Variants in TNFSF4 observed in about 807,000 individuals in gnomAD.
The protein encoded by TNFSF4 is tumor necrosis factor ligand superfamily member 4.
TNFSF4 carries 4 observed loss-of-function variants against 7.3 expected under a neutral mutation model. The observed-to-expected ratio is 0.55, with a 90% CI of 0.27 to 1.25. TNFSF4 has a LOEUF of 1.25. Ranked by LOEUF, TNFSF4 falls within the 50% of genes most tolerant of loss-of-function variation. The pLI is 0.12. For missense variants in TNFSF4, 181 were observed against 208.8 expected (o/e 0.87, Z 0.82); for synonymous variants, 76 against 83.7 (o/e 0.91, Z 0.50).
chr1:173,239,828 C>T, the TNFSF4 span, among the ~76,000 whole-genome samples: 6 of 152,052 alleles, frequency 3.9e-5, no homozygotes, highest in African/African-American at 9.7e-5. Flanking sequence ...TCCAGGAGTT[C>T]GAGACTAGCC....
At chr1:173,416,608 T>TTTTATTTATTTATTTATTTA in the TNFSF4 span, among the ~76,000 whole-genome samples, 220 of 121,968 alleles carry the variant, frequency 1.8e-3, 2 homozygotes, top group African/African-American at 4.8e-3. Context: ...ATTTTTTTAT[T>TTTTATTTATTTATTTATTTA]TTTATTTATT....
At chr1:173,351,229 C>A in the TNFSF4 span, among the ~76,000 whole-genome samples, 1 of 152,180 alleles carries the variant, frequency 6.6e-6, no homozygotes, top group South Asian at 2.1e-4. Context: ...GGGCCTTCAC[C>A]CATTCTGTTC....
chr1:173,317,633 A>C, the TNFSF4 span, among the ~76,000 whole-genome samples: 1 of 152,272 alleles, frequency 6.6e-6, no homozygotes, highest in Admixed American at 6.5e-5. Flanking sequence ...CCACATGAAG[A>C]AACTATAAAA....
At chr1:173,244,072 T>A in the TNFSF4 span, among the ~76,000 whole-genome samples, 1 of 152,190 alleles carries the variant, frequency 6.6e-6, no homozygotes, top group Non-Finnish European at 1.5e-5. Context: ...TGCATATTGA[T>A]GAATCAATAT....
the TNFSF4 span, among the ~76,000 whole-genome samples, chr1:173,417,204 T>G: frequency 6.6e-6 from 1 of 152,234 alleles, no homozygotes; most frequent in African/African-American, 2.4e-5. Flanking sequence ...ACACCTCGGT[T>G]TGGGGCCGAG....
the TNFSF4 span, among the ~76,000 whole-genome samples, chr1:173,290,383 G>A: frequency 3.9e-5 from 6 of 152,060 alleles, no homozygotes; most frequent in Admixed American, 6.6e-5. Flanking sequence ...TAAAGTCAAG[G>A]GACGAAGAAA....
the TNFSF4 span, among the ~76,000 whole-genome samples, chr1:173,224,376 G>A: frequency 6.6e-6 from 1 of 152,314 alleles, no homozygotes; most frequent in African/African-American, 2.4e-5. Context: ...TTTAATCCCT[G>A]CAGAGTGGGA....
the TNFSF4 span, among the ~76,000 whole-genome samples, chr1:173,221,929 C>T: frequency 6.6e-6 from 1 of 152,256 alleles, no homozygotes; most frequent in African/African-American, 2.4e-5. Context: ...TGATTTTTCT[C>T]CTCTTAAAGT....
chr1:173,215,434 C>T, the TNFSF4 span, among the ~76,000 whole-genome samples: 1 of 152,116 alleles, frequency 6.6e-6, no homozygotes, highest in Admixed American at 6.6e-5. Context: ...TCTGTGGTAA[C>T]AAGAATTTTA....
At chr1:173,225,631 G>T in the TNFSF4 span, among the ~76,000 whole-genome samples, 1 of 152,196 alleles carries the variant, frequency 6.6e-6, no homozygotes, top group East Asian at 1.9e-4. Flanking sequence ...CCAAATGACA[G>T]ATGACTATCT....
At chr1:173,341,316 C>G in the TNFSF4 span, among the ~76,000 whole-genome samples, 3 of 152,148 alleles carry the variant, frequency 2.0e-5, no homozygotes, top group African/African-American at 7.2e-5. Flanking sequence ...AAATCATGAG[C>G]CAACGAGCTA....
the TNFSF4 span, among the ~76,000 whole-genome samples, chr1:173,356,997 T>G: frequency 1.3e-5 from 2 of 152,178 alleles, no homozygotes; most frequent in South Asian, 2.1e-4. Context: ...GGGACCCATT[T>G]GGCCTATTAT....
the TNFSF4 span, among the ~76,000 whole-genome samples, chr1:173,237,671 G>T: frequency 6.6e-6 from 1 of 152,054 alleles, no homozygotes; most frequent in African/African-American, 2.4e-5. Flanking sequence ...CCACAAAAAG[G>T]ATAAAATGCC....
chr1:173,380,901 C>T, the TNFSF4 span, among the ~76,000 whole-genome samples: 217 of 152,248 alleles, frequency 1.4e-3, 8 homozygotes, highest in South Asian at 0.043. Context: ...TTATGTGGAA[C>T]GTCGACCTAT....
intron 2 of TNFSF4, among the ~76,000 whole-genome samples, chr1:173,188,212 C>T (rs1305085035): frequency 6.6e-6 from 1 of 152,158 alleles, no homozygotes. Flanking sequence ...GAAGTAAAGC[C>T]TTAGTTTCCC....
chr1:173,342,399 A>G, the TNFSF4 span, among the ~76,000 whole-genome samples: 3 of 152,132 alleles, frequency 2.0e-5, no homozygotes, highest in Admixed American at 6.6e-5. Context: ...GATAACAAGG[A>G]TTCTCCATAA....
At chr1:173,315,257 C>T in the TNFSF4 span, among the ~76,000 whole-genome samples, 1 of 152,054 alleles carries the variant, frequency 6.6e-6, no homozygotes, top group Non-Finnish European at 1.5e-5. Flanking sequence ...CAGTCACATG[C>T]ATAGAATGGA....
the TNFSF4 span, among the ~76,000 whole-genome samples, chr1:173,446,067 G>A: frequency 5.3e-5 from 8 of 151,880 alleles, no homozygotes; most frequent in South Asian, 2.1e-4. Context: ...ATCACTCAGC[G>A]TACAAAGAAC....
At chr1:173,334,384 G>T in the TNFSF4 span, among the ~76,000 whole-genome samples, 6 of 152,080 alleles carry the variant, frequency 3.9e-5, no homozygotes, top group African/African-American at 1.4e-4. Context: ...AATGACATTC[G>T]CCACTTGATC....
Sources: gnomAD v4.1 joint callset for allele counts (sites outside exome capture counted in the v4.1 genomes callset) on GRCh38, gnomAD v4.1.1 for gene constraint, MANE v1.5 for transcripts, NCBI Gene and HGNC (gene_info 2026-07-23, HGNC 2026-07-21) for gene names.